Variants in NLN observed in about 807,000 individuals in gnomAD.
NLN encodes neurolysin, mitochondrial.
A neutral mutation model predicts 79.9 loss-of-function variants in NLN; 64 were observed. The ratio of observed to expected loss-of-function variants is 0.80; its 90% CI spans 0.65 to 0.99. NLN has a LOEUF of 0.99. NLN is among the 50% of genes least tolerant of loss of function. The probability of loss-of-function intolerance (pLI) is 0.00; values close to 1 mark genes in which losing one functional copy is unlikely to be tolerated. For synonymous variants in NLN, 267 were observed against 296.6 expected, an observed-to-expected ratio of 0.90 and a Z score of 1.02; for missense variants, 835 against 858.7, an observed-to-expected ratio of 0.97 and a Z score of 0.34.
chr5:65,748,590 C>A (rs181682379), intron 1 of NLN, among the ~76,000 whole-genome samples: 1 of 152,106 alleles, frequency 6.6e-6, no homozygotes, highest in Non-Finnish European at 1.5e-5. Flanking sequence ...GAAACCCCAT[C>A]TCTACAGGAA....
rs1184352999 is a variant in NLN, at chr5:65,828,847, C to T, written c.*5932C>T. 6.6e-6 allele frequency: 1 copy of T among 152,182 alleles called. No homozygotes were observed. 9.4% of individuals were successfully genotyped at this position (152,182 alleles called of 1,614,324 possible). A position where few individuals can be genotyped will look rare whatever the true frequency, so the allele number is the denominator to read the frequency against. On this transcript the variant is annotated 3_prime_UTR_variant, in exon 13 of 13. Coordinates refer to ENST00000380985, the MANE Select transcript of NLN (RefSeq NM_020726.5). ...TTCACAGGCTGGCTCTGAAAACTGG[C>T]ATTCAGATGATTGCGGCTCCCCCAT...
chr5:65,723,642 G>A (rs974097395), intron 1 of NLN, among the ~76,000 whole-genome samples: 1 of 151,442 alleles, frequency 6.6e-6, no homozygotes, highest in Non-Finnish European at 1.5e-5. Flanking sequence ...GTGAAACCCC[G>A]TCTCTACTAA....
In NLN at chr5:65,762,947, T is replaced by TC. The variant is rs569713041; in HGVS notation, c.302-12dup. 4.2e-5 allele frequency: 67 copies of TC among 1,612,040 alleles called. 1 individual carries two copies. In the African/African-American group the frequency reaches 8.3e-4, roughly 20 times the overall value. ...TCCTGTTGTGTGGTGATAGTTTTTT[T>TC]CTCCATCTGCAGTGGAAAGGACCAT... On this transcript the variant is annotated splice_polypyrimidine_tract_variant and intron_variant, in intron 2 of 12. Coordinates refer to ENST00000380985, the MANE Select transcript of NLN (RefSeq NM_020726.5).
At chr5:65,723,865 G>A in intron 1 of NLN, among the ~76,000 whole-genome samples, 1 of 144,674 alleles carries the variant, frequency 6.9e-6, no homozygotes, top group Admixed American at 6.9e-5. Flanking sequence ...TTATTCTCAG[G>A]ACCCCTTTAC....
intron 1 of NLN, among the ~76,000 whole-genome samples, chr5:65,751,896 C>A (rs1343380696): frequency 1.3e-5 from 2 of 152,108 alleles, no homozygotes; most frequent in Non-Finnish European, 2.9e-5. Flanking sequence ...AGCAAATGCA[C>A]CTTCCTGTCA....
intron 6 of NLN, among the ~76,000 whole-genome samples, chr5:65,785,383 T>C (rs1759896548): frequency 6.6e-6 from 1 of 152,162 alleles, no homozygotes; most frequent in Non-Finnish European, 1.5e-5. Context: ...AAAAGATAAA[T>C]TTTACGTTAT....
chr5:65,762,901 G>T, intron 2 of NLN, 59 bp from the exon 3 acceptor site: 1 of 1,543,084 alleles, frequency 6.5e-7, no homozygotes, highest in South Asian at 1.2e-5. Flanking sequence ...GAGGTATTTG[G>T]CTTAATACTG....
rs752037583 is a variant in NLN, at chr5:65,792,444, T to G, written c.1326-10T>G. ...TTCCTATGTTGCCAACGCGTGTTTC[T>G]GGCTCCTAGGGAAGGAAAATACAAT... On this transcript the variant is annotated splice_polypyrimidine_tract_variant and intron_variant, in intron 8 of 12. Coordinates refer to ENST00000380985, the MANE Select transcript of NLN (RefSeq NM_020726.5). The G allele has an allele frequency of 6.2e-6, 10 of 1,605,822 alleles. No individual in the cohort carries two copies. Among genetic ancestry groups the G allele is most frequent in the Admixed American group, 5.0e-5 (3 of 59,692 alleles).
intron 1 of NLN, among the ~76,000 whole-genome samples, chr5:65,734,879 G>A (rs1449787734): frequency 6.6e-6 from 1 of 152,090 alleles, no homozygotes; most frequent in African/African-American, 2.4e-5. Context: ...TCTTTTTAAG[G>A]TTTCGTAGCT....
chr5:65,787,029 A>C (rs1759940157), intron 7 of NLN, among the ~76,000 whole-genome samples: 2 of 152,210 alleles, frequency 1.3e-5, no homozygotes, highest in South Asian at 2.1e-4. Flanking sequence ...TGTTTCCTTC[A>C]GTGGTGATTG....
intron 11 of NLN, among the ~76,000 whole-genome samples, chr5:65,811,651 G>C (rs1202906117): frequency 6.6e-6 from 1 of 152,072 alleles, no homozygotes; most frequent in Non-Finnish European, 1.5e-5. Context: ...GTGAAACCCT[G>C]TATCTACTAA....
At chr5:65,724,692 A>G (rs1156766241) in intron 1 of NLN, among the ~76,000 whole-genome samples, 1 of 151,998 alleles carries the variant, frequency 6.6e-6, no homozygotes, top group Non-Finnish European at 1.5e-5. Flanking sequence ...TACCATTTTT[A>G]CATTCCCATT....
At chr5:65,765,243 T>C (rs1193940443) in intron 3 of NLN, among the ~76,000 whole-genome samples, 3 of 151,582 alleles carry the variant, frequency 2.0e-5, no homozygotes, top group Non-Finnish European at 4.4e-5. Flanking sequence ...AGTGGCCAGG[T>C]GCGGTGGCTC....
chr5:65,819,859 A>G (rs888330081), intron 12 of NLN, among the ~76,000 whole-genome samples: 21 of 152,290 alleles, frequency 1.4e-4, no homozygotes, highest in African/African-American at 5.1e-4. Flanking sequence ...TTTCCCTAAG[A>G]AAAGCAAGAT....
intron 5 of NLN, 78 bp downstream of exon 5, chr5:65,780,359 A>C (rs1759772912): frequency 1.7e-6 from 1 of 592,034 alleles, no homozygotes; most frequent in South Asian, 2.3e-5. Flanking sequence ...TTTACTTTCC[A>C]GATACAAAAT....
In NLN at chr5:65,748,967, G is replaced by C. The variant is rs571066857; in HGVS notation, c.42-9600G>C. Among the ~76,000 whole-genome samples the C allele has an allele frequency of 2.0e-4, 31 of 152,268 alleles. No homozygotes were observed. In the South Asian group the frequency reaches 6.4e-3, roughly 32 times the overall value. ...TGGGAGGTCATTGAATCTGGGGGCA[G>C]ATTTTTCCTGTGCTTTTCTCGTGAT... is the stretch of plus-strand genomic sequence containing the variant. On this transcript the variant is annotated intron_variant, in intron 1 of 12. Transcript: ENST00000380985.
chr5:65,734,716 T>G (rs1482877112), intron 1 of NLN, among the ~76,000 whole-genome samples: 1 of 152,156 alleles, frequency 6.6e-6, no homozygotes, highest in African/African-American at 2.4e-5. Context: ...CTGCCTCACA[T>G]CTCAGGTGGA....
intron 9 of NLN, among the ~76,000 whole-genome samples, chr5:65,798,221 G>T (rs1051368935): frequency 2.0e-5 from 3 of 152,118 alleles, no homozygotes; most frequent in African/African-American, 7.2e-5. Flanking sequence ...TTCACAGTAC[G>T]CTCTGAAGTA....
chr5:65,819,752 C>G (rs1760753090), intron 12 of NLN, among the ~76,000 whole-genome samples: 1 of 152,152 alleles, frequency 6.6e-6, no homozygotes, highest in Admixed American at 6.5e-5. Context: ...AGGGCAAAGA[C>G]TCCCTCCACC....
Sources: gnomAD v4.1 joint callset for allele counts (sites outside exome capture counted in the v4.1 genomes callset) on GRCh38, gnomAD v4.1.1 for gene constraint, MANE v1.5 for transcripts, NCBI Gene and HGNC (gene_info 2026-07-23, HGNC 2026-07-21) for gene names.